The following BEND2 variants were observed in gnomAD, a reference collection of about 807,000 sequenced individuals.
BEND2 encodes BEN domain containing 2.
Under a neutral mutation model 43.8 loss-of-function variants are expected in BEND2, and 19 were observed. That is an observed-to-expected ratio of 0.43 (90% CI 0.30 to 0.64). The LOEUF (loss-of-function observed/expected upper bound fraction) is 0.64. Ranked by LOEUF, BEND2 falls within the 30% of genes least tolerant of loss-of-function variation. The probability of loss-of-function intolerance (pLI) is 0.11; values close to 1 mark genes in which losing one functional copy is unlikely to be tolerated. For synonymous variants in BEND2, 226 were observed against 210.1 expected, an observed-to-expected ratio of 1.08 and a Z score of -0.66; for missense variants, 544 against 574.0, an observed-to-expected ratio of 0.95 and a Z score of 0.53.
intron 8 of BEND2, among the ~76,000 whole-genome samples, chrX:18,185,047 T>C (rs1473961889): frequency 9.2e-6 from 1 of 109,174 alleles, no homozygotes; most frequent in Admixed American, 1.0e-4. Context: ...GGTCTCTTAA[T>C]AGCAGAACTG....
chrX:18,201,403 AAAAAAAAAAAAAAAC>A (rs1335992712), intron 6 of BEND2, among the ~76,000 whole-genome samples: 1,631 of 99,525 alleles, frequency 0.016, 78 homozygotes, highest in African/African-American at 0.06. Flanking sequence ...TCTCAAAAAA[AAAAAAAAAAAAAAAC>A]AAAAAAAAAA....
At chrX:18,174,332 CAG>C (rs1224465762) in intron 11 of BEND2, 74 bp from the exon 12 acceptor site, 96 of 930,800 alleles carry the variant, frequency 1.0e-4, no homozygotes, top group Non-Finnish European at 1.4e-4. Flanking sequence ...TACCACCTAC[CAG>C]GCCCACCAGG....
chrX:18,196,446 G>A (rs1224595039), intron 6 of BEND2, among the ~76,000 whole-genome samples: 1 of 111,008 alleles, frequency 9.0e-6, no homozygotes, highest in Admixed American at 9.7e-5. Context: ...ATAAGACCCA[G>A]CAATTGTGCT....
In BEND2 at chrX:18,213,904, G is replaced by A; in HGVS notation, c.246C>T (p.Gly82=). 8.6e-6 allele frequency: 1 copy of A among 116,556 alleles called. No individual in the cohort carries two copies. The highest frequency in any genetic ancestry group is 1.8e-5 in the Non-Finnish European group (1 of 54,555). The allele number at this position is 116,556 out of a possible 1,213,427, so 9.6% of individuals were successfully genotyped here. The change falls in exon 3 of 14, where the codon GGC becomes GGT. Residue 82 remains glycine (G), a synonymous_variant. Transcript: ENST00000380033. ...HRPLQMSYGS[G]SVTQAGVQWH... Reference sequence around the variant, plus strand: ...ACTGCACTCCAGCCTGGGTGACAGAGCCAGACCCTGACTCAAAAATAATAA... The same window carrying A: ...ACTGCACTCCAGCCTGGGTGACAGAACCAGACCCTGACTCAAAAATAATAA...
chrX:18,185,259 T>A (rs1924525584), intron 8 of BEND2, among the ~76,000 whole-genome samples: 1 of 109,599 alleles, frequency 9.1e-6, no homozygotes, highest in Non-Finnish European at 1.9e-5. Context: ...CTGGGTGCAG[T>A]GGCTCATGCC....
At chrX:18,189,344 CA>C (rs1237776184) in intron 8 of BEND2, among the ~76,000 whole-genome samples, 1 of 110,290 alleles carries the variant, frequency 9.1e-6, no homozygotes. Context: ...TTTGTCTCTA[CA>C]AAAAAAATTT....
intron 12 of BEND2, among the ~76,000 whole-genome samples, chrX:18,173,590 C>T (rs1381304346): frequency 9.0e-6 from 1 of 111,672 alleles, no homozygotes; most frequent in African/African-American, 3.3e-5. Flanking sequence ...CCACTTGACA[C>T]CCATCAAAGC....
intron 1 of BEND2, among the ~76,000 whole-genome samples, chrX:18,218,799 G>T (rs910324740): frequency 1.8e-5 from 2 of 112,130 alleles, no homozygotes. Flanking sequence ...GGTGGAGGTT[G>T]CAGTGAGCCG....
chrX:18,188,949 C>A (rs896392741), intron 8 of BEND2, among the ~76,000 whole-genome samples: 2 of 111,886 alleles, frequency 1.8e-5, no homozygotes, highest in African/African-American at 3.3e-5. Context: ...GCCTGTAATC[C>A]CAGCACTTTG....
intron 12 of BEND2, among the ~76,000 whole-genome samples, chrX:18,171,972 G>A (rs1365449478): frequency 2.7e-5 from 3 of 110,811 alleles, no homozygotes; most frequent in African/African-American, 9.8e-5. Flanking sequence ...TTGTATCTTA[G>A]ATATCTTATT....
At chrX:18,180,159 A>G (rs1424761374) in intron 9 of BEND2, among the ~76,000 whole-genome samples, 1 of 112,230 alleles carries the variant, frequency 8.9e-6, no homozygotes, top group Non-Finnish European at 1.9e-5. Context: ...CCTGGGCAAT[A>G]GAGCAAGACT....
chrX:18,202,031 A>G, intron 5 of BEND2, 91 bp from the exon 6 acceptor site: 1 of 915,884 alleles, frequency 1.1e-6, no homozygotes, highest in Non-Finnish European at 1.5e-6. Context: ...AAAGAAAGAG[A>G]AACAGACATT....
chrX:18,169,790 G>A (rs1175435051), intron 13 of BEND2, among the ~76,000 whole-genome samples: 1 of 111,640 alleles, frequency 9.0e-6, no homozygotes, highest in Admixed American at 9.6e-5. Flanking sequence ...TGAATAATAC[G>A]TCAAACTCAT....
intron 11 of BEND2, among the ~76,000 whole-genome samples, chrX:18,175,582 C>A (rs1325168469): frequency 1.8e-5 from 2 of 111,875 alleles, no homozygotes; most frequent in African/African-American, 6.5e-5. Flanking sequence ...AACGAAGTGC[C>A]TGCATTTTCC....
chrX:18,213,428 A>T (rs1010370572), intron 3 of BEND2, among the ~76,000 whole-genome samples: 28 of 111,728 alleles, frequency 2.5e-4, no homozygotes, highest in Admixed American at 6.7e-4. Context: ...TTCCTGAGCC[A>T]GGGCAGTAAT....
At chrX:18,211,768 G>A (rs1925509457) in intron 4 of BEND2, among the ~76,000 whole-genome samples, 1 of 108,036 alleles carries the variant, frequency 9.3e-6, no homozygotes, top group Non-Finnish European at 1.9e-5. Flanking sequence ...GGATGACAGA[G>A]CAAGACTCCA....
Position 18,191,124 on chromosome X carries a change from T to G in BEND2, c.1181-16A>C. 2.6e-6 allele frequency: 3 copies of G among 1,144,491 alleles called. No homozygotes were observed. Among genetic ancestry groups the G allele is most frequent in the Non-Finnish European group, 2.4e-6 (2 of 844,089 alleles). 94.3% of individuals were successfully genotyped at this position (1,144,491 alleles called of 1,213,427 possible). A position where few individuals can be genotyped will look rare whatever the true frequency, so the allele number is the denominator to read the frequency against. On this transcript the variant is annotated splice_polypyrimidine_tract_variant and intron_variant, in intron 7 of 13. Coordinates refer to ENST00000380033, the MANE Select transcript of BEND2 (RefSeq NM_153346.5). ...GGGCCAGATTCTGTTTTGAACAACATTTCAATATGTAAAACATTTTGCAGT... is the reference window on the plus strand; with the variant it reads ...GGGCCAGATTCTGTTTTGAACAACAGTTCAATATGTAAAACATTTTGCAGT...
At chrX:18,177,209 AT>A (rs771370173) in intron 10 of BEND2, among the ~76,000 whole-genome samples, 1 of 82,465 alleles carries the variant, frequency 1.2e-5, no homozygotes, top group African/African-American at 4.4e-5. Flanking sequence ...CAAGTCTTTT[AT>A]TCCCCCCCGC....
chrX:18,180,131 C>T (rs527684847), intron 9 of BEND2, among the ~76,000 whole-genome samples: 1 of 112,191 alleles, frequency 8.9e-6, no homozygotes, highest in African/African-American at 3.2e-5. Context: ...GAGCCAAGAT[C>T]ATGCCACTGC....
Sources: gnomAD v4.1 joint callset for allele counts (sites outside exome capture counted in the v4.1 genomes callset) on GRCh38, gnomAD v4.1.1 for gene constraint, MANE v1.5 for transcripts, NCBI Gene and HGNC (gene_info 2026-07-23, HGNC 2026-07-21) for gene names.